MIER1: variants seen among roughly 807,000 people sequenced by gnomAD.
MIER1 encodes the protein mesoderm induction early response protein 1.
MIER1 carries 40 observed loss-of-function variants against 75.7 expected under a neutral mutation model. The observed-to-expected ratio is 0.53, with a 90% CI of 0.41 to 0.69. The LOEUF (loss-of-function observed/expected upper bound fraction) is 0.69, where lower values mean the gene tolerates loss of function less well. Ranked by LOEUF, MIER1 falls within the 30% of genes least tolerant of loss-of-function variation. The pLI, the probability that MIER1 is intolerant of heterozygous loss-of-function variation, is 0.00. For missense variants in MIER1, 574 were observed against 680.2 expected (o/e 0.84, Z 1.74); for synonymous variants, 213 against 223.4 (o/e 0.95, Z 0.42).
At position 66,926,138 on chromosome 1, in the gene MIER1, C is replaced by G; in HGVS notation, c.68-4C>G. 1.2e-6 allele frequency: 2 copies of G among 1,612,372 alleles called. No individual in the cohort carries two copies. The highest frequency in any genetic ancestry group is 1.7e-6 in the Non-Finnish European group (2 of 1,178,498). ...CTACTGAGGCTCTCTTTCCTTTGAT[C>G]CAGATGGTGTGGTCGCTCGATTCTC... On this transcript the variant is annotated splice_region_variant and splice_polypyrimidine_tract_variant and intron_variant, in intron 1 of 13. Coordinates refer to ENST00000401041, the MANE Select transcript of MIER1 (RefSeq NM_001077700.3).
chr1:66,980,073 C>T (rs1031266819), intron 12 of MIER1, among the ~76,000 whole-genome samples: 3 of 152,266 alleles, frequency 2.0e-5, no homozygotes, highest in African/African-American at 7.2e-5. Flanking sequence ...CTTGCTTTGG[C>T]TTTTAACTTC....
chr1:66,983,389 A>C (rs1353618435), intron 13 of MIER1, among the ~76,000 whole-genome samples: 1 of 152,208 alleles, frequency 6.6e-6, no homozygotes, highest in African/African-American at 2.4e-5. Context: ...ATTTTCTTCT[A>C]TCAGAATACA....
chr1:66,977,528 TC>T (rs1664967066), intron 12 of MIER1, among the ~76,000 whole-genome samples: 1 of 152,220 alleles, frequency 6.6e-6, no homozygotes, highest in Non-Finnish European at 1.5e-5. Context: ...TCTAGTGTAG[TC>T]CCATTGACAC....
chr1:66,984,926 G>C lies in MIER1; in HGVS notation c.*26G>C, dbSNP rs1207634011. ...ATTTTAGACCTATTTTACTTTCTTTGGAGTAAATTCTGGTGTGACTAAAAT... is the reference window on the plus strand; with the variant it reads ...ATTTTAGACCTATTTTACTTTCTTTCGAGTAAATTCTGGTGTGACTAAAAT... On this transcript the variant is annotated 3_prime_UTR_variant, in exon 14 of 14. Transcript: ENST00000401041. 1 of 1,545,672 alleles carries C rather than the reference G, an allele frequency of 6.5e-7. No individual in the cohort carries two copies. The highest frequency in any genetic ancestry group is 8.7e-7 in the Non-Finnish European group (1 of 1,152,534).
At chr1:66,967,687 A>G (rs1267971768) in intron 8 of MIER1, among the ~76,000 whole-genome samples, 1 of 146,276 alleles carries the variant, frequency 6.8e-6, no homozygotes, top group East Asian at 2.0e-4. Context: ...TTTTGTCAAT[A>G]TTTTATAGTT....
At chr1:66,951,879 A>G (rs761887619) in intron 4 of MIER1, among the ~76,000 whole-genome samples, 7 of 152,158 alleles carry the variant, frequency 4.6e-5, no homozygotes, top group Non-Finnish European at 1.0e-4. Context: ...AAGGCAGTAT[A>G]TATGCATATG....
intron 4 of MIER1, among the ~76,000 whole-genome samples, chr1:66,949,079 T>G (rs1350128354): frequency 6.6e-6 from 1 of 152,154 alleles, no homozygotes; most frequent in Non-Finnish European, 1.5e-5. Flanking sequence ...GAGAAGACAA[T>G]TATTTTCAGT....
chr1:66,966,886 T>G (rs1219182116), intron 8 of MIER1, among the ~76,000 whole-genome samples: 2 of 152,234 alleles, frequency 1.3e-5, no homozygotes, highest in Non-Finnish European at 2.9e-5. Context: ...TAGAGTTGTT[T>G]GAGCTCCTTA....
intron 11 of MIER1, 125 bp from the exon 12 acceptor site, chr1:66,976,470 A>G: frequency 2.7e-6 from 2 of 736,752 alleles, no homozygotes; most frequent in South Asian, 2.3e-5. Flanking sequence ...ACACTGTTGT[A>G]TGTTATATAT....
intron 3 of MIER1, among the ~76,000 whole-genome samples, chr1:66,941,970 CA>C (rs10627197): frequency 8.5e-4 from 111 of 130,362 alleles, no homozygotes; most frequent in Admixed American, 8.4e-4. Flanking sequence ...CTCCTTCTCT[CA>C]AAAAAAAAAA....
chr1:66,937,622 T>G (rs1420041704), intron 2 of MIER1, among the ~76,000 whole-genome samples: 1 of 152,132 alleles, frequency 6.6e-6, no homozygotes, highest in Non-Finnish European at 1.5e-5. Flanking sequence ...TAGCACTATA[T>G]GAATGTAAGC....
At chr1:66,936,962 A>G (rs1054042278) in intron 2 of MIER1, among the ~76,000 whole-genome samples, 14 of 143,554 alleles carry the variant, frequency 9.8e-5, no homozygotes, top group African/African-American at 3.6e-4. Flanking sequence ...TTGTGCCACT[A>G]CACTCCAGCC....
At chr1:66,937,018 AAAGAG>A (rs1259207080) in intron 2 of MIER1, among the ~76,000 whole-genome samples, 1 of 150,688 alleles carries the variant, frequency 6.6e-6, no homozygotes. Flanking sequence ...AAAAAAAAAA[AAAGAG>A]AAAAAGAAAA....
At chr1:66,976,823 A>ACC in intron 12 of MIER1, 101 bp downstream of exon 12, 1 of 1,037,530 alleles carries the variant, frequency 9.6e-7, no homozygotes, top group Non-Finnish European at 1.3e-6. Flanking sequence ...GCTTTTATAT[A>ACC]CTTGATCTTA....
At chr1:66,951,782 C>A (rs1348707018) in intron 4 of MIER1, among the ~76,000 whole-genome samples, 1 of 152,094 alleles carries the variant, frequency 6.6e-6, no homozygotes, top group Non-Finnish European at 1.5e-5. Context: ...ACTATGCCCA[C>A]TTTCCTTATT....
chr1:66,940,274 T>TC, intron 3 of MIER1: 1 of 236,820 alleles, frequency 4.2e-6, no homozygotes. Context: ...GGTTTTCTTT[T>TC]TTTTTTTTTT....
chr1:66,978,877 A>AT (rs1050384282), intron 12 of MIER1, among the ~76,000 whole-genome samples: 1 of 152,166 alleles, frequency 6.6e-6, no homozygotes, highest in Non-Finnish European at 1.5e-5. Context: ...TTCTCTATTG[A>AT]TCTCCCCATA....
At chr1:66,925,136 C>CA in intron 1 of MIER1, 41 bp downstream of exon 1, 1 of 1,539,688 alleles carries the variant, frequency 6.5e-7, no homozygotes, top group Non-Finnish European at 8.7e-7. Context: ...CCTTCTATTC[C>CA]AGTTTGGGAT....
intron 12 of MIER1, among the ~76,000 whole-genome samples, chr1:66,977,298 C>CG (rs1664917672): frequency 6.6e-6 from 1 of 151,810 alleles, no homozygotes; most frequent in South Asian, 2.1e-4. Flanking sequence ...TTATTAGAGA[C>CG]GGGGTTTCAC....
Sources: gnomAD v4.1 joint callset for allele counts (sites outside exome capture counted in the v4.1 genomes callset) on GRCh38, gnomAD v4.1.1 for gene constraint, MANE v1.5 for transcripts, NCBI Gene and HGNC (gene_info 2026-07-23, HGNC 2026-07-21) for gene names.